FAM151A: variants seen among roughly 807,000 people sequenced by gnomAD.
The protein encoded by FAM151A is protein FAM151A.
In FAM151A, 41 loss-of-function variants were observed where a neutral mutation model predicts 40.4. That is an observed-to-expected ratio of 1.01 (90% confidence interval 0.79 to 1.32). The LOEUF is 1.32. Ranked by LOEUF, FAM151A falls within the 40% of genes most tolerant of loss-of-function variation. FAM151A has a pLI of 0.00. For missense variants in FAM151A, 740 were observed against 740.4 expected (o/e 1.00, Z 0.01); for synonymous variants, 337 against 312.5 (o/e 1.08, Z -0.83).
intron 3 of FAM151A, 79 bp from the exon 4 acceptor site, chr1:54,614,938 G>A (rs1259384844): frequency 1.6e-6 from 2 of 1,280,644 alleles, no homozygotes; most frequent in African/African-American, 1.7e-5. Context: ...AAAGCAGAGC[G>A]GGTGTGTGTG....
intron 2 of FAM151A, among the ~76,000 whole-genome samples, chr1:54,617,812 C>T (rs1270616914): frequency 6.9e-6 from 1 of 144,184 alleles, no homozygotes; most frequent in Non-Finnish European, 1.5e-5. Context: ...CAACCTCTGC[C>T]TGCTGGGTTC....
Position 54,609,746 on chromosome 1 carries a change from A to G in FAM151A, c.1280T>C (p.Leu427Ser). The G allele has an allele frequency of 6.2e-7, 1 of 1,614,208 alleles. No homozygotes were observed. ...EPAALRPSLA[L>S]LARLSSLGLL... ...GCCAAGGCTGGAGAGGCGTGCCAGC[A>G]AGGCCAGGGATGGCCGGAGGGCTGC... The change falls in exon 8 of 8, where the codon TTG becomes TCG. Residue 427 changes from leucine to serine, a missense_variant. Coordinates refer to ENST00000302250, the MANE Select transcript of FAM151A (RefSeq NM_176782.3).
intron 3 of FAM151A, 95 bp from the exon 4 acceptor site, chr1:54,614,954 GCATGT>G (rs1212723240): frequency 9.2e-7 from 1 of 1,088,828 alleles, no homozygotes; most frequent in Non-Finnish European, 1.3e-6. Flanking sequence ...GTGTGTGTGT[GCATGT>G]GCGTGCACAG....
intron 3 of FAM151A, 80 bp from the exon 4 acceptor site, chr1:54,614,939 G>GGTGAGT: frequency 8.3e-7 from 1 of 1,210,050 alleles, no homozygotes; most frequent in Non-Finnish European, 1.2e-6. Context: ...AAGCAGAGCG[G>GGTGAGT]GTGTGTGTGT....
rs764576047 is a variant in FAM151A, at chr1:54,614,703, G to A, written c.572C>T (p.Thr191Ile). The A allele has an allele frequency of 1.9e-6, 3 of 1,612,088 alleles. No individual in the cohort carries two copies. Among genetic ancestry groups the A allele is most frequent in the Non-Finnish European group, 2.5e-6 (3 of 1,178,686 alleles). The change falls in exon 4 of 8, where the codon ACA becomes ATA. Residue 191 changes from threonine to isoleucine, a missense_variant. Thr to Ile is a moderately conservative substitution (Grantham distance 89). Transcript: ENST00000302250. ...NMLISTEVNA[T>I]QFLALVQEKY... ...GGACAGAGAGGCGAACACTCACTGT[G>A]TGGCATTGACCTCAGTTGAGATGAG...
intron 3 of FAM151A, among the ~76,000 whole-genome samples, chr1:54,615,154 GTC>G (rs1211851037): frequency 6.6e-6 from 1 of 152,164 alleles, no homozygotes. Context: ...TGGGAATCAA[GTC>G]TCTGCTGAAA....
intron 4 of FAM151A, among the ~76,000 whole-genome samples, chr1:54,614,286 C>G (rs1009223618): frequency 1.3e-5 from 2 of 152,178 alleles, no homozygotes; most frequent in African/African-American, 4.8e-5. Context: ...TTAGACTTCT[C>G]TAGCAGGCCA....
At chr1:54,623,144 T>C in intron 1 of FAM151A, 134 bp downstream of exon 1, 1 of 633,234 alleles carries the variant, frequency 1.6e-6, no homozygotes, top group Non-Finnish European at 2.8e-6. Context: ...GCCATTGTAC[T>C]CCAGCCTGGG....
intron 3 of FAM151A, among the ~76,000 whole-genome samples, chr1:54,615,751 T>C (rs1644166260): frequency 6.6e-6 from 1 of 152,224 alleles, no homozygotes. Context: ...GGGAGCACTC[T>C]GAGCATGCGC....
Position 54,609,333 on chromosome 1 carries a change from G to C in FAM151A, c.1693C>G (p.Arg565Gly). The change falls in exon 8 of 8, where the codon CGA becomes GGA. Residue 565 changes from arginine (R) to glycine (G), a missense_variant. By Grantham distance (125) the Arg-to-Gly change is moderately radical (BLOSUM62 -2). Transcript: ENST00000302250. ...LLAARAVDRT[R>G]VYYRLPQGYH... is the part of the protein sequence containing the mutation. ...CCCTGGGGTAGCCTGTAGTAGACTC[G>C]GGTCCTGTCCACAGCCCTAGCTGCC... The C allele has an allele frequency of 6.2e-7, 1 of 1,613,970 alleles. No homozygotes were observed. Among genetic ancestry groups the C allele is most frequent in the Non-Finnish European group, 8.5e-7 (1 of 1,179,908 alleles).
Position 54,609,897 on chromosome 1 carries a change from C to T in FAM151A, c.1129G>A (p.Val377Met), listed in dbSNP as rs1229452435. The part of the protein sequence containing the change: ...ILLNTGLEGT[V>M]AENPVPIVHT... The stretch of plus-strand genomic sequence containing the variant: ...ACAATGGGCACGGGGTTTTCAGCCA[C>T]AGTTCCCTCGAGGCCAGTGTTCAGC... The change falls in exon 8 of 8, where the codon GTG becomes ATG. Residue 377 changes from valine (V) to methionine (M), a missense_variant. By Grantham distance (21) the Val-to-Met change is conservative (BLOSUM62 1). Coordinates refer to ENST00000302250, the MANE Select transcript of FAM151A (RefSeq NM_176782.3). The T allele has an allele frequency of 3.7e-6, 6 of 1,611,602 alleles. No individual in the cohort carries two copies. The highest frequency in any genetic ancestry group is 1.3e-5 in the African/African-American group (1 of 74,950).
At chr1:54,619,790 T>A in intron 2 of FAM151A, 74 bp downstream of exon 2, 1 of 1,502,752 alleles carries the variant, frequency 6.7e-7, no homozygotes, top group Admixed American at 1.7e-5. Flanking sequence ...GACCAGTGTC[T>A]GATCCTCACT....
At chr1:54,623,095 G>T (rs1424283004) in intron 1 of FAM151A, among the ~76,000 whole-genome samples, 183 bp downstream of exon 1, 1 of 151,762 alleles carries the variant, frequency 6.6e-6, no homozygotes, top group African/African-American at 2.4e-5. Flanking sequence ...AGAATCGCTT[G>T]AACCTGGGAG....
intron 4 of FAM151A, among the ~76,000 whole-genome samples, chr1:54,614,032 G>A (rs1446569380): frequency 6.6e-6 from 1 of 152,168 alleles, no homozygotes; most frequent in Admixed American, 6.5e-5. Flanking sequence ...TGCAAGTCAA[G>A]TGCTTAAAAC....
chr1:54,611,807 C>T (rs1189971994), intron 5 of FAM151A, 62 bp from the exon 6 acceptor site: 3 of 1,600,618 alleles, frequency 1.9e-6, no homozygotes, highest in Admixed American at 1.7e-5. Flanking sequence ...AGCCCCACTC[C>T]TGTGCTCAGA....
In FAM151A at chr1:54,620,064, T is replaced by A. The variant is rs987930304; in HGVS notation, c.119-57A>T. On this transcript the variant is annotated intron_variant, in intron 1 of 7. Coordinates refer to ENST00000302250, the MANE Select transcript of FAM151A (RefSeq NM_176782.3). ...TGTCCTCGCCCCAGCCCAAGACTCA[T>A]GTTCGTTCATCCCATGACCCTCCCT... 5.1e-6 allele frequency: 8 copies of A among 1,577,858 alleles called. No homozygotes were observed. The African/African-American group carries it at 8.1e-5, about 16-fold the overall frequency.
intron 4 of FAM151A, among the ~76,000 whole-genome samples, chr1:54,613,216 C>T (rs1046382571): frequency 1.3e-5 from 2 of 151,994 alleles, no homozygotes; most frequent in Middle Eastern, 3.4e-3. Flanking sequence ...CCTGTCTCTA[C>T]TAAAAATACA....
At chr1:54,623,143 C>T (rs1644247161) in intron 1 of FAM151A, 135 bp downstream of exon 1, 1 of 631,642 alleles carries the variant, frequency 1.6e-6, no homozygotes, top group Non-Finnish European at 2.8e-6. Context: ...TGCCATTGTA[C>T]TCCAGCCTGG....
Position 54,612,478 on chromosome 1 carries a change from G to A in FAM151A, c.800+8C>T. On this transcript the variant is annotated splice_region_variant and intron_variant, in intron 5 of 7. Transcript: ENST00000302250. Reference sequence around the variant, plus strand: ...CAGGAGGGTGGGGGTGGGTTTGGTGGTTTTCACCTCTCAGATTGGCTCAGC... The same window carrying A: ...CAGGAGGGTGGGGGTGGGTTTGGTGATTTTCACCTCTCAGATTGGCTCAGC... 1 of 1,610,904 alleles carries A rather than the reference G, an allele frequency of 6.2e-7. No individual in the cohort carries two copies. Among genetic ancestry groups the A allele is most frequent in the Non-Finnish European group, 8.5e-7 (1 of 1,177,548 alleles).
Sources: gnomAD v4.1 joint callset for allele counts (sites outside exome capture counted in the v4.1 genomes callset) on GRCh38, gnomAD v4.1.1 for gene constraint, MANE v1.5 for transcripts, NCBI Gene and HGNC (gene_info 2026-07-23, HGNC 2026-07-21) for gene names.